The following RNF144A variants were observed in gnomAD, a reference collection of about 807,000 sequenced individuals.
RNF144A encodes the protein E3 ubiquitin-protein ligase RNF144A.
RNF144A carries 11 observed loss-of-function variants against 38.7 expected under a neutral mutation model. That is an observed-to-expected ratio of 0.28 (90% confidence interval 0.18 to 0.47). RNF144A has a LOEUF of 0.47. Among genes scored for constraint, RNF144A ranks in the 20% least tolerant of loss-of-function variants. The pLI, the probability that RNF144A is intolerant of heterozygous loss-of-function variation, is 0.99. For missense variants in RNF144A, 316 were observed against 377.2 expected, an observed-to-expected ratio of 0.84 and a Z score of 1.34; for synonymous variants, 149 against 143.9, an observed-to-expected ratio of 1.04 and a Z score of -0.25.
At chr2:6,969,451 G>T (rs1667866433) in intron 2 of RNF144A, among the ~76,000 whole-genome samples, 1 of 152,074 alleles carries the variant, frequency 6.6e-6, no homozygotes, top group Non-Finnish European at 1.5e-5. Context: ...CTTCCTCCCA[G>T]CCTCAGAAGG....
At chr2:6,946,076 G>A (rs1666326085) in intron 2 of RNF144A, among the ~76,000 whole-genome samples, 1 of 152,166 alleles carries the variant, frequency 6.6e-6, no homozygotes, top group African/African-American at 2.4e-5. Context: ...CTGGGATAAA[G>A]GGAAGAAGAC....
chr2:6,933,861 A>G (rs1472793461), intron 1 of RNF144A, among the ~76,000 whole-genome samples: 1 of 152,170 alleles, frequency 6.6e-6, no homozygotes, highest in African/African-American at 2.4e-5. Context: ...TCAGTCATAT[A>G]GCTGTATTAT....
At chr2:7,020,068 C>T (rs1392148511) in intron 5 of RNF144A, among the ~76,000 whole-genome samples, 2 of 152,152 alleles carry the variant, frequency 1.3e-5, no homozygotes, top group Non-Finnish European at 2.9e-5. Flanking sequence ...AAACTGTCCC[C>T]TAGGGGAGGC....
At chr2:7,012,809 G>A (rs1670903572) in intron 3 of RNF144A, among the ~76,000 whole-genome samples, 1 of 152,146 alleles carries the variant, frequency 6.6e-6, no homozygotes. Context: ...CTCCAAGCCT[G>A]GGGTCGTCCA....
intron 2 of RNF144A, among the ~76,000 whole-genome samples, chr2:6,951,268 T>C (rs1666656879): frequency 8.6e-6 from 1 of 115,798 alleles, no homozygotes; most frequent in Non-Finnish European, 1.9e-5. Flanking sequence ...CATGTTTCCA[T>C]GTATTCATGT....
intron 1 of RNF144A, among the ~76,000 whole-genome samples, chr2:6,938,250 C>CCCCTT (rs1558364934): frequency 3.5e-5 from 4 of 114,502 alleles, no homozygotes; most frequent in Non-Finnish European, 5.4e-5. Context: ...CCTCCCCTCC[C>CCCCTT]TTTTTTTTTT....
intron 3 of RNF144A, among the ~76,000 whole-genome samples, chr2:7,001,360 T>TAAAA (rs1670088583): frequency 1.3e-5 from 2 of 149,260 alleles, no homozygotes; most frequent in Non-Finnish European, 3.0e-5. Context: ...TAAAATAAAA[T>TAAAA]TAAAATAAAT....
intron 6 of RNF144A, among the ~76,000 whole-genome samples, chr2:7,050,681 T>C (rs776752609): frequency 2.0e-5 from 3 of 152,218 alleles, no homozygotes; most frequent in Non-Finnish European, 4.4e-5. Context: ...TGCCTATATT[T>C]CAGTAGCATA....
In RNF144A at chr2:7,024,465, G is replaced by A. The variant is rs1203727794; in HGVS notation, c.606G>A (p.Met202Ile). 2 of 1,612,302 alleles carry A rather than the reference G, an allele frequency of 1.2e-6. No individual in the cohort carries two copies. Among genetic ancestry groups the A allele is most frequent in the African/African-American group, 1.3e-5 (1 of 74,938 alleles). ...GAGACGAAGGCTGCGCGCAGATGAT[G>A]TGCAAGAACTGCAAGCACGCCTTCT... ...IERDEGCAQM[M>I]CKNCKHAFCW... The change falls in exon 7 of 9, where the codon ATG becomes ATA. Residue 202 changes from methionine (M) to isoleucine (I), a missense_variant. Coordinates refer to ENST00000320892, the MANE Select transcript of RNF144A (RefSeq NM_014746.6).
At chr2:7,022,776 G>A (rs954805343) in intron 6 of RNF144A, among the ~76,000 whole-genome samples, 1 of 152,160 alleles carries the variant, frequency 6.6e-6, no homozygotes, top group African/African-American at 2.4e-5. Context: ...AGGTTTACTC[G>A]GAGCTGGCTC....
chr2:7,064,225 G>A (rs1361876181), intron 6 of RNF144A, among the ~76,000 whole-genome samples: 1 of 152,008 alleles, frequency 6.6e-6, no homozygotes, highest in East Asian at 1.9e-4. Flanking sequence ...ATGAACTTTT[G>A]GAAGACACAT....
At chr2:7,016,361 G>A (rs1352381687) in intron 5 of RNF144A, among the ~76,000 whole-genome samples, 1 of 152,150 alleles carries the variant, frequency 6.6e-6, no homozygotes, top group Non-Finnish European at 1.5e-5. Flanking sequence ...TTTCCAGAGA[G>A]AATCTTGACA....
intron 1 of RNF144A, among the ~76,000 whole-genome samples, chr2:6,926,735 A>G (rs945374348): frequency 2.0e-5 from 3 of 152,250 alleles, no homozygotes; most frequent in Non-Finnish European, 2.9e-5. Flanking sequence ...CTTCAAAGAC[A>G]TTTGAGTCCA....
At position 7,030,125 on chromosome 2, in the gene RNF144A, G is replaced by A; in HGVS notation, c.658-1G>A. 1 of 1,612,058 alleles carries A rather than the reference G, an allele frequency of 6.2e-7. No individual in the cohort carries two copies. The highest frequency in any genetic ancestry group is 8.5e-7 in the Non-Finnish European group (1 of 1,178,122). The stretch of plus-strand genomic sequence containing the variant: ...GCCGTCTCTGTCTCTGCCCCTCACA[G>A]GATGATTTCCTTCTGATACACTACG... On this transcript the variant is annotated splice_acceptor_variant, in intron 7 of 8. Transcript: ENST00000320892. LOFTEE classifies it high-confidence loss of function.
At position 6,959,404 on chromosome 2, in the gene RNF144A, G is replaced by T. The variant is rs143906695; in HGVS notation, c.-12+18257G>T. ...AAAACAGGGATCATGATGTACAATTGCGTGTGCACATCCAGATAGGAGAGC... is the reference window on the plus strand; with the variant it reads ...AAAACAGGGATCATGATGTACAATTTCGTGTGCACATCCAGATAGGAGAGC... On this transcript the variant is annotated intron_variant, in intron 2 of 8. Transcript: ENST00000320892. Among the ~76,000 whole-genome samples the T allele has an allele frequency of 1.5e-4, 22 of 151,056 alleles. No individual in the cohort carries two copies. In the East Asian group the frequency reaches 4.2e-3, roughly 29 times the overall value.
intron 2 of RNF144A, among the ~76,000 whole-genome samples, chr2:6,963,614 C>T (rs1667477442): frequency 6.6e-6 from 1 of 152,196 alleles, no homozygotes. Context: ...GAGGCCCAAA[C>T]AAACCCTGTA....
At chr2:7,000,340 C>T (rs1446614575) in intron 3 of RNF144A, among the ~76,000 whole-genome samples, 2 of 152,156 alleles carry the variant, frequency 1.3e-5, no homozygotes, top group Non-Finnish European at 2.9e-5. Flanking sequence ...GGAGCACTGG[C>T]CAGAGAGAAA....
intron 2 of RNF144A, among the ~76,000 whole-genome samples, chr2:6,976,771 GT>G (rs1246228053): frequency 2.0e-5 from 3 of 151,634 alleles, no homozygotes; most frequent in Non-Finnish European, 4.4e-5. Context: ...TCCTTTGTCT[GT>G]TGTACCATCA....
intron 3 of RNF144A, among the ~76,000 whole-genome samples, chr2:7,013,543 G>T (rs1670948043): frequency 6.6e-6 from 1 of 152,082 alleles, no homozygotes; most frequent in Non-Finnish European, 1.5e-5. Flanking sequence ...AAGTTGATTT[G>T]GGGATGCCGT....
Sources: gnomAD v4.1 joint callset for allele counts (sites outside exome capture counted in the v4.1 genomes callset) on GRCh38, gnomAD v4.1.1 for gene constraint, MANE v1.5 for transcripts, NCBI Gene and HGNC (gene_info 2026-07-23, HGNC 2026-07-21) for gene names.